The following EPB41L5 variants were observed in gnomAD, a reference collection of about 807,000 sequenced individuals.
The protein encoded by EPB41L5 is erythrocyte membrane protein band 4.1 like 5, also known as band 4.1-like protein 5.
EPB41L5 carries 55 observed loss-of-function variants against 106.6 expected under a neutral mutation model. The ratio of observed to expected loss-of-function variants is 0.52; its 90% CI spans 0.42 to 0.65. EPB41L5 has a LOEUF of 0.65. Ranked by LOEUF, EPB41L5 falls within the 30% of genes least tolerant of loss-of-function variation. EPB41L5 has a pLI of 0.00. For missense variants in EPB41L5, 871 were observed against 882.1 expected, an observed-to-expected ratio of 0.99 and a Z score of 0.16; for synonymous variants, 297 against 306.7, an observed-to-expected ratio of 0.97 and a Z score of 0.33.
rs1687927958 is a variant in EPB41L5 at position 120,176,643 on chromosome 2, A to G, written c.*1736A>G. 1 of 152,208 alleles carries G rather than the reference A, an allele frequency of 6.6e-6. No homozygotes were observed. Among genetic ancestry groups the G allele is most frequent in the Non-Finnish European group, 1.5e-5 (1 of 68,034 alleles). 9.4% of individuals were successfully genotyped at this position (152,208 alleles called of 1,614,324 possible). A position where few individuals can be genotyped will look rare whatever the true frequency, so the allele number is the denominator to read the frequency against. On this transcript the variant is annotated 3_prime_UTR_variant, in exon 25 of 25. Transcript: ENST00000263713. ...GTGGGGCTCTTGCCAGTTCTTAATT[A>G]TAGGACATATTTTCTCAAAGCTGAA... is the stretch of plus-strand genomic sequence containing the variant.
At chr2:120,045,309 T>C (rs1443407151) in intron 3 of EPB41L5, among the ~76,000 whole-genome samples, 3 of 152,194 alleles carry the variant, frequency 2.0e-5, no homozygotes, top group African/African-American at 7.2e-5. Flanking sequence ...TTTAAAATTG[T>C]TTACTTTTTA....
In EPB41L5 at chr2:120,124,204, C is replaced by T. The variant is rs534917251; in HGVS notation, c.1338-3484C>T. 5.3e-5 allele frequency among the ~76,000 whole-genome samples: 8 copies of T among 152,270 alleles called. No homozygotes were observed. The South Asian group carries it at 1.5e-3, about 28-fold the overall frequency. On this transcript the variant is annotated intron_variant, in intron 16 of 24. Transcript: ENST00000263713. ...CTTCATATTTCACCTCTTCCGAAAC[C>T]GTTCTTCACTCCCCTCATTTCTGGC... is the stretch of plus-strand genomic sequence containing the variant.
intron 20 of EPB41L5, among the ~76,000 whole-genome samples, chr2:120,149,013 A>T (rs1338012876): frequency 6.6e-6 from 1 of 152,162 alleles, no homozygotes. Flanking sequence ...TCTCCGTGTC[A>T]TTGACAGTGC....
chr2:120,030,431 A>C (rs1260976469), intron 2 of EPB41L5, among the ~76,000 whole-genome samples: 1 of 152,200 alleles, frequency 6.6e-6, no homozygotes, highest in Non-Finnish European at 1.5e-5. Flanking sequence ...ATCTGGCTCA[A>C]CCAGTTCTGC....
At position 120,177,204 on chromosome 2, in the gene EPB41L5, G is replaced by C. The variant is rs1178679750; in HGVS notation, c.*2297G>C. On this transcript the variant is annotated 3_prime_UTR_variant, in exon 25 of 25. Transcript: ENST00000263713. ...GGCAGGGCTGAGGTGGTCTACGAAT[G>C]TGGCAGGTAGGGAAGGGGAGATGTC... is the stretch of plus-strand genomic sequence containing the variant. The C allele has an allele frequency of 1.3e-5, 2 of 152,442 alleles. No individual in the cohort carries two copies. The highest frequency in any genetic ancestry group is 2.9e-5 in the Non-Finnish European group (2 of 68,246). 9.4% of individuals were successfully genotyped at this position (152,442 alleles called of 1,614,324 possible). A position where few individuals can be genotyped will look rare whatever the true frequency, so the allele number is the denominator to read the frequency against.
At chr2:120,097,530 A>G (rs558914476) in intron 14 of EPB41L5, among the ~76,000 whole-genome samples, 2 of 152,334 alleles carry the variant, frequency 1.3e-5, no homozygotes, top group South Asian at 4.1e-4. Flanking sequence ...GCTCTTAACT[A>G]TTCTTGTGAG....
chr2:120,100,465 TG>T (rs1684068766), intron 15 of EPB41L5, among the ~76,000 whole-genome samples, 179 bp downstream of exon 15: 1 of 152,174 alleles, frequency 6.6e-6, no homozygotes, highest in African/African-American at 2.4e-5. Context: ...TCTAAGATTT[TG>T]TAAAGGAAAC....
intron 16 of EPB41L5, chr2:120,105,792 T>C: frequency 2.0e-6 from 2 of 985,224 alleles, no homozygotes; most frequent in Non-Finnish European, 2.4e-6. Flanking sequence ...AGATGATAAT[T>C]GCTAAGTATT....
At chr2:120,062,296 T>C (rs1339326700) in intron 3 of EPB41L5, among the ~76,000 whole-genome samples, 1 of 152,180 alleles carries the variant, frequency 6.6e-6, no homozygotes, top group Non-Finnish European at 1.5e-5. Context: ...GTAACACACA[T>C]ATTTGCTGAA....
chr2:120,075,417 AT>A, intron 5 of EPB41L5, 58 bp from the exon 6 acceptor site: 14 of 1,275,858 alleles, frequency 1.1e-5, no homozygotes, highest in Admixed American at 1.8e-5. Flanking sequence ...GAAGTGTAAG[AT>A]TTTTTTTCAC....
intron 21 of EPB41L5, among the ~76,000 whole-genome samples, chr2:120,164,315 A>G (rs1431596369): frequency 6.6e-6 from 1 of 152,004 alleles, no homozygotes; most frequent in East Asian, 1.9e-4. Flanking sequence ...CCTGGGCTCA[A>G]GTGATCTTCC....
At chr2:120,029,388 T>C (rs1381195999) in intron 2 of EPB41L5, among the ~76,000 whole-genome samples, 1 of 152,202 alleles carries the variant, frequency 6.6e-6, no homozygotes, top group Admixed American at 6.6e-5. Flanking sequence ...ACAAATTTTG[T>C]ATTTCGTATA....
intron 18 of EPB41L5, among the ~76,000 whole-genome samples, chr2:120,142,786 A>G (rs945671818): frequency 2.6e-5 from 4 of 152,108 alleles, no homozygotes; most frequent in African/African-American, 9.7e-5. Context: ...AGTTTGCTAC[A>G]ATTTTAGGTT....
At chr2:120,104,010 C>T in intron 16 of EPB41L5, 6 of 1,470,758 alleles carry the variant, frequency 4.1e-6, no homozygotes, top group Non-Finnish European at 5.4e-6. Context: ...TCCATTTTCT[C>T]CTATTCCTAT....
chr2:120,053,010 CTCTAG>C (rs929173116), intron 3 of EPB41L5, among the ~76,000 whole-genome samples: 5 of 152,210 alleles, frequency 3.3e-5, no homozygotes, highest in Admixed American at 2.6e-4. Flanking sequence ...TGGAACCAGT[CTCTAG>C]CCTCTCCCTG....
At chr2:120,093,434 G>C (rs1599893) in intron 14 of EPB41L5, among the ~76,000 whole-genome samples, 158 bp downstream of exon 14, 1 of 152,218 alleles carries the variant, frequency 6.6e-6, no homozygotes, top group Non-Finnish European at 1.5e-5. Flanking sequence ...CCAGATAAAA[G>C]TGACATGATG....
At chr2:120,089,282 A>G (rs1574639736) in intron 11 of EPB41L5, among the ~76,000 whole-genome samples, 2 of 152,136 alleles carry the variant, frequency 1.3e-5, no homozygotes, top group African/African-American at 4.8e-5. Context: ...GATAAATACA[A>G]TTATGTGCAT....
intron 2 of EPB41L5, among the ~76,000 whole-genome samples, chr2:120,025,401 G>C (rs981664796): frequency 6.6e-6 from 1 of 151,498 alleles, no homozygotes; most frequent in African/African-American, 2.4e-5. Context: ...CCATTTGCTT[G>C]GTAAATGTTC....
intron 3 of EPB41L5, among the ~76,000 whole-genome samples, chr2:120,049,294 T>G (rs945705785): frequency 6.6e-6 from 1 of 152,188 alleles, no homozygotes; most frequent in African/African-American, 2.4e-5. Flanking sequence ...TGTGTGGGAG[T>G]CTAAGTCTCT....
Sources: gnomAD v4.1 joint callset for allele counts (sites outside exome capture counted in the v4.1 genomes callset) on GRCh38, gnomAD v4.1.1 for gene constraint, MANE v1.5 for transcripts, NCBI Gene and HGNC (gene_info 2026-07-23, HGNC 2026-07-21) for gene names.